CEP290: variants seen among roughly 807,000 people sequenced by gnomAD.
The protein encoded by CEP290 is centrosomal protein 290, also known as centrosomal protein of 290 kDa.
CEP290 carries 317 observed loss-of-function variants against 344.9 expected under a neutral mutation model. The ratio of observed to expected loss-of-function variants is 0.92; its 90% confidence interval spans 0.84 to 1.01. CEP290 has a LOEUF of 1.01. Among genes scored for constraint, CEP290 ranks in the 50% least tolerant of loss-of-function variants. The pLI is 0.00. For missense variants in CEP290, 2,754 were observed against 2,761.4 expected (o/e 1.00, Z 0.06); for synonymous variants, 932 against 895.8 (o/e 1.04, Z -0.72).
chr12:88,127,965 A>G (rs1046669999), intron 11 of CEP290, among the ~76,000 whole-genome samples: 1 of 152,188 alleles, frequency 6.6e-6, no homozygotes, highest in Admixed American at 6.5e-5. Flanking sequence ...ACATGTCACC[A>G]TTTACCCTGC....
At position 88,099,339 on chromosome 12, in the gene CEP290, G is replaced by A. The variant is rs1443849055; in HGVS notation, c.2992-2340C>T. On this transcript the variant is annotated intron_variant, in intron 26 of 53. Coordinates refer to ENST00000552810, the MANE Select transcript of CEP290 (RefSeq NM_025114.4). ...GAAATCAGGAGTTCATTGTGGACAC[G>A]TTAAATTTGAGATCCCCTTGAAACA... Among the ~76,000 whole-genome samples, 6 of 152,278 alleles carry A rather than the reference G, an allele frequency of 3.9e-5. No homozygotes were observed. The East Asian group carries it at 9.7e-4, about 25-fold the overall frequency.
chr12:88,077,646 A>T, intron 40 of CEP290, 51 bp downstream of exon 40: 1 of 1,059,956 alleles, frequency 9.4e-7, no homozygotes, highest in Non-Finnish European at 1.4e-6. Context: ...GAAATAAACT[A>T]CTACCTCTAT....
chr12:88,074,580 A>G (rs1325823643), intron 41 of CEP290, among the ~76,000 whole-genome samples: 1 of 152,200 alleles, frequency 6.6e-6, no homozygotes, highest in Non-Finnish European at 1.5e-5. Flanking sequence ...ATCTTTAGTT[A>G]TAATATTGAG....
At chr12:88,069,812 G>A (rs917331295) in intron 43 of CEP290, among the ~76,000 whole-genome samples, 1 of 152,012 alleles carries the variant, frequency 6.6e-6, no homozygotes, top group African/African-American at 2.4e-5. Flanking sequence ...ATTTACAAAG[G>A]GTAAATACTG....
intron 20 of CEP290, 75 bp downstream of exon 20, chr12:88,114,345 A>G: frequency 8.8e-7 from 1 of 1,141,828 alleles, no homozygotes; most frequent in South Asian, 1.8e-5. Flanking sequence ...ATCAGAAACT[A>G]TGGAGATCTG....
chr12:88,077,106 G>C (rs1372795780), intron 41 of CEP290, 116 bp downstream of exon 41: 49 of 985,172 alleles, frequency 5.0e-5, no homozygotes, highest in East Asian at 1.1e-4. Context: ...AATTAATACA[G>C]AATTAATACA....
intron 26 of CEP290, among the ~76,000 whole-genome samples, chr12:88,099,111 T>C (rs2037681536): frequency 6.6e-6 from 1 of 152,124 alleles, no homozygotes; most frequent in Non-Finnish European, 1.5e-5. Context: ...CAGAAAGACA[T>C]TGTGGAACTC....
chr12:88,055,385 T>A (rs1275299541), intron 50 of CEP290, among the ~76,000 whole-genome samples, 191 bp downstream of exon 50: 1 of 152,102 alleles, frequency 6.6e-6, no homozygotes, highest in East Asian at 1.9e-4. Flanking sequence ...TGATAGAAAA[T>A]GTGGAGAATG....
At position 88,062,738 on chromosome 12, in the gene CEP290, T is replaced by A. The variant is rs763959276; in HGVS notation, c.6311A>T (p.Lys2104Met). 3.1e-6 allele frequency: 5 copies of A among 1,598,730 alleles called. No individual in the cohort carries two copies. Among genetic ancestry groups the A allele is most frequent in the Non-Finnish European group, 4.3e-6 (5 of 1,171,546 alleles). The change falls in exon 46 of 54, where the codon AAG becomes ATG. Residue 2104 changes from lysine (K) to methionine (M), a missense_variant. By Grantham distance (95) the Lys-to-Met change is moderately conservative. Coordinates refer to ENST00000552810, the MANE Select transcript of CEP290 (RefSeq NM_025114.4). ...RDLKEMCEFLKKEKAEVQRKL... is the reference protein window; with the variant it reads ...RDLKEMCEFLMKEKAEVQRKL... ...CCGCTGAACTTCTGCTTTTTCTTTCTTAAGAAATTCACACATTTCCTTCAA... is the reference window on the plus strand; with the variant it reads ...CCGCTGAACTTCTGCTTTTTCTTTCATAAGAAATTCACACATTTCCTTCAA...
intron 7 of CEP290, 50 bp from the exon 8 acceptor site, chr12:88,130,615 A>G (rs2040010977): frequency 6.9e-7 from 1 of 1,452,974 alleles, no homozygotes; most frequent in South Asian, 1.5e-5. Context: ...AAGGTAATAC[A>G]TAATTAAAAA....
intron 26 of CEP290, among the ~76,000 whole-genome samples, chr12:88,097,428 A>ATTT (rs2137433541): frequency 6.6e-6 from 1 of 152,072 alleles, no homozygotes; most frequent in South Asian, 2.1e-4. Context: ...GTGAAGAAAA[A>ATTT]TGTGTTTGCT....
At chr12:88,053,453 C>G (rs1159804372) in intron 52 of CEP290, among the ~76,000 whole-genome samples, 199 bp downstream of exon 52, 4 of 151,476 alleles carry the variant, frequency 2.6e-5, no homozygotes, top group Non-Finnish European at 4.4e-5. Context: ...ACTTGCTACT[C>G]TATAGTATAA....
intron 44 of CEP290, among the ~76,000 whole-genome samples, 160 bp from the exon 45 acceptor site, chr12:88,064,275 G>A (rs991395876): frequency 2.5e-5 from 3 of 118,824 alleles, no homozygotes; most frequent in African/African-American, 9.4e-5. Context: ...AAATAAGTTA[G>A]AATACAAAAC....
chr12:88,082,267 T>C (rs918817571), intron 37 of CEP290, among the ~76,000 whole-genome samples: 2 of 152,234 alleles, frequency 1.3e-5, no homozygotes, highest in Non-Finnish European at 2.9e-5. Context: ...CAGACACTCT[T>C]ATAAGTGTGT....
intron 20 of CEP290, among the ~76,000 whole-genome samples, chr12:88,112,128 G>A (rs2038733414): frequency 6.6e-6 from 1 of 152,060 alleles, no homozygotes; most frequent in Non-Finnish European, 1.5e-5. Context: ...AACCAGACGG[G>A]AATAAGATGA....
rs2138095264 is a variant in CEP290, at chr12:88,130,317, T to C, written c.620A>G (p.Gln207Arg). 6.2e-7 allele frequency: 1 copy of C among 1,608,018 alleles called. No individual in the cohort carries two copies. Among genetic ancestry groups the C allele is most frequent in the East Asian group, 2.2e-5 (1 of 44,600 alleles). ...RRGEDSDYRS[Q>R]LSKKNYELIQ... ...AAGCTCATAGTTTTTTTTAGACAAC[T>C]GTGATCGGTAGTCACTGTCTTCCCC... Residue 207 changes from glutamine to arginine, a missense_variant, in exon 9 of 54, where the codon CAG becomes CGG. Physicochemically the swap from Gln to Arg is conservative, Grantham distance 43. Transcript: ENST00000552810.
rs752144368 is a variant in CEP290 at position 88,136,777 on chromosome 12, G to A, written c.307C>T (p.Gln103Ter). 6.2e-6 allele frequency: 10 copies of A among 1,613,422 alleles called. No homozygotes were observed. Among genetic ancestry groups the A allele is most frequent in the Non-Finnish European group, 8.5e-6 (10 of 1,179,628 alleles). ...CGAGTATCTCGTCCACCTGCAGACTGCTGAGCCATCTTAAAGTAATAAACC... is the reference window on the plus strand; with the variant it reads ...CGAGTATCTCGTCCACCTGCAGACTACTGAGCCATCTTAAAGTAATAAACC... ...KLENELEMAQQSAGGRDTRFL... is the reference protein window; with the variant it reads ...KLENELEMAQ The change falls in exon 6 of 54, where the codon CAG becomes TAG. Residue 103 changes from glutamine to a stop codon, truncating the protein, a stop_gained. Coordinates refer to ENST00000552810, the MANE Select transcript of CEP290 (RefSeq NM_025114.4). LOFTEE classifies it high-confidence loss of function.
intron 46 of CEP290, among the ~76,000 whole-genome samples, chr12:88,061,300 G>A (rs2034460382): frequency 6.6e-6 from 1 of 152,088 alleles, no homozygotes; most frequent in African/African-American, 2.4e-5. Context: ...TTTAGCTAAT[G>A]TTCTCTCCAG....
intron 25 of CEP290, chr12:88,104,004 A>G (rs2038091316): frequency 6.6e-6 from 1 of 152,084 alleles, no homozygotes; most frequent in Non-Finnish European, 1.5e-5. Context: ...AGCAGGTAGA[A>G]GAGGAAGAAA....
Sources: gnomAD v4.1 joint callset for allele counts (sites outside exome capture counted in the v4.1 genomes callset) on GRCh38, gnomAD v4.1.1 for gene constraint, MANE v1.5 for transcripts, NCBI Gene and HGNC (gene_info 2026-07-23, HGNC 2026-07-21) for gene names.